The following DYNC2LI1 variants were observed in gnomAD, a reference collection of about 807,000 sequenced individuals.
DYNC2LI1 encodes the protein cytoplasmic dynein 2 light intermediate chain 1.
A neutral mutation model predicts 51.9 loss-of-function variants in DYNC2LI1; 45 were observed. That is an observed-to-expected ratio of 0.87 (90% CI 0.68 to 1.11). The LOEUF (loss-of-function observed/expected upper bound fraction) is 1.11, where lower values mean the gene tolerates loss of function less well. Ranked by LOEUF, DYNC2LI1 falls within the 50% of genes most tolerant of loss-of-function variation. The pLI, the probability that DYNC2LI1 is intolerant of heterozygous loss-of-function variation, is 0.00. For synonymous variants in DYNC2LI1, 130 were observed against 137.8 expected (o/e 0.94, Z 0.40); for missense variants, 490 against 417.4 (o/e 1.17, Z -1.51).
At chr2:43,816,424 G>A in the DYNC2LI1 span, among the ~76,000 whole-genome samples, 2 of 148,200 alleles carry the variant, frequency 1.3e-5, no homozygotes, top group African/African-American at 2.5e-5. Context: ...CAGACTTTGT[G>A]CAGGTGGCGG....
In DYNC2LI1 at chr2:43,798,929, T is replaced by C. The variant is rs1261576626; in HGVS notation, c.655-1912T>C. 2.0e-5 allele frequency among the ~76,000 whole-genome samples: 3 copies of C among 150,988 alleles called. 1 individual carries two copies. The highest frequency in any genetic ancestry group is 4.2e-4 in the South Asian group (2 of 4,788). ...GAAATTTAGCAGGGTTTTTTTTTTT[T>C]CCAACACTATAGTTGATCCTATATA... On this transcript the variant is annotated intron_variant, in intron 8 of 12. Transcript: ENST00000260605.
the DYNC2LI1 span, among the ~76,000 whole-genome samples, chr2:43,826,078 C>T: frequency 6.0e-4 from 92 of 152,206 alleles, no homozygotes; most frequent in African/African-American, 2.1e-3. Flanking sequence ...TGGGCTCAAG[C>T]GATCCTCTCA....
At chr2:43,784,489 G>T (rs986696030) in intron 3 of DYNC2LI1, among the ~76,000 whole-genome samples, 1 of 151,878 alleles carries the variant, frequency 6.6e-6, no homozygotes, top group Admixed American at 6.6e-5. Flanking sequence ...GCCCAGGCTG[G>T]AGTGCAATGG....
chr2:43,784,231 C>A (rs1163045332), intron 3 of DYNC2LI1, among the ~76,000 whole-genome samples: 1 of 152,114 alleles, frequency 6.6e-6, no homozygotes, highest in Admixed American at 6.5e-5. Context: ...TAAATTCCTG[C>A]TTTTGTGTAA....
downstream of DYNC2LI1, among the ~76,000 whole-genome samples, chr2:43,812,132 C>T (rs2104736221): frequency 6.6e-6 from 1 of 152,094 alleles, no homozygotes; most frequent in African/African-American, 2.4e-5. Context: ...CTCACTGCAG[C>T]CCCTGCCTCC....
the DYNC2LI1 span, among the ~76,000 whole-genome samples, chr2:43,820,641 T>C: frequency 1.3e-5 from 2 of 152,168 alleles, no homozygotes; most frequent in Non-Finnish European, 2.9e-5. Flanking sequence ...TACCAACCCC[T>C]TCCACTGATT....
chr2:43,818,975 G>A, the DYNC2LI1 span, among the ~76,000 whole-genome samples: 7 of 152,256 alleles, frequency 4.6e-5, no homozygotes, highest in Non-Finnish European at 7.4e-5. Context: ...ACGAAGTCAC[G>A]TGCGTCACAG....
At chr2:43,816,206 G>A in the DYNC2LI1 span, among the ~76,000 whole-genome samples, 1 of 152,262 alleles carries the variant, frequency 6.6e-6, no homozygotes, top group Non-Finnish European at 1.5e-5. Context: ...AACAAATAAT[G>A]TTTGCAGGCC....
chr2:43,795,031 C>CT, intron 6 of DYNC2LI1: 1 of 1,090,076 alleles, frequency 9.2e-7, no homozygotes, highest in Non-Finnish European at 1.1e-6. Flanking sequence ...TTGTAATAGC[C>CT]TTCACCATCA....
intron 8 of DYNC2LI1, among the ~76,000 whole-genome samples, chr2:43,797,769 C>T (rs888349899): frequency 2.6e-5 from 4 of 152,022 alleles, no homozygotes; most frequent in Admixed American, 6.5e-5. Flanking sequence ...CGACCCTCCT[C>T]GGCCTCCCAA....
intron 8 of DYNC2LI1, among the ~76,000 whole-genome samples, chr2:43,797,618 C>T (rs1220435510): frequency 6.9e-6 from 1 of 144,644 alleles, no homozygotes; most frequent in Non-Finnish European, 1.5e-5. Flanking sequence ...CTCCTGGGTT[C>T]AAGTGATTCT....
intron 5 of DYNC2LI1, chr2:43,794,251 A>G (rs1673926213): frequency 2.0e-6 from 1 of 489,652 alleles, no homozygotes; most frequent in East Asian, 3.2e-5. Context: ...CCACTATTGT[A>G]ACACTTAAAT....
downstream of DYNC2LI1, chr2:43,813,044 C>G: frequency 1.3e-6 from 1 of 759,506 alleles, no homozygotes; most frequent in Non-Finnish European, 2.4e-6. Flanking sequence ...ACATGGCACT[C>G]TCATTTCAGA....
chr2:43,825,187 C>G, the DYNC2LI1 span, among the ~76,000 whole-genome samples: 2 of 152,146 alleles, frequency 1.3e-5, no homozygotes, highest in African/African-American at 2.4e-5. Context: ...GACCTTGGCC[C>G]TGCATCAGTA....
chr2:43,828,162 C>T, the DYNC2LI1 span: 2 of 1,612,404 alleles, frequency 1.2e-6, no homozygotes. Context: ...TCTGTGGCTG[C>T]TATTTCAATT....
At position 43,799,353 on chromosome 2, in the gene DYNC2LI1, A is replaced by G. The variant is rs539814372; in HGVS notation, c.655-1488A>G. On this transcript the variant is annotated intron_variant, in intron 8 of 12. Transcript: ENST00000260605. Reference sequence around the variant, plus strand: ...CCCAAAAGAACAGGAGAAGACTGATAAGTAGAACCAGAATCAGAGAAGAGC... The same window carrying G: ...CCCAAAAGAACAGGAGAAGACTGATGAGTAGAACCAGAATCAGAGAAGAGC... 1.3e-3 allele frequency among the ~76,000 whole-genome samples: 201 copies of G among 152,288 alleles called. 1 individual carries two copies. The highest frequency in any genetic ancestry group is 4.6e-3 in the African/African-American group (193 of 41,550).
At chr2:43,778,404 T>C (rs1376983642) in intron 2 of DYNC2LI1, among the ~76,000 whole-genome samples, 1 of 152,126 alleles carries the variant, frequency 6.6e-6, no homozygotes, top group Non-Finnish European at 1.5e-5. Context: ...TCCACCCATC[T>C]CAGCCTCCTA....
At chr2:43,776,502 GA>G (rs1673030811) in intron 1 of DYNC2LI1, among the ~76,000 whole-genome samples, 1 of 152,154 alleles carries the variant, frequency 6.6e-6, no homozygotes, top group Non-Finnish European at 1.5e-5. Context: ...ACACAGCTAT[GA>G]ACCGTAGGGG....
chr2:43,826,977 G>A, the DYNC2LI1 span, among the ~76,000 whole-genome samples: 1 of 152,226 alleles, frequency 6.6e-6, no homozygotes, highest in African/African-American at 2.4e-5. Context: ...GGCCTGAAGT[G>A]TGGCAGGCAT....
Sources: allele counts gnomAD v4.1 joint callset (sites outside exome capture counted in the v4.1 genomes callset), GRCh38; gene constraint gnomAD v4.1.1; transcripts MANE v1.5; gene names NCBI Gene and HGNC (gene_info 2026-07-23, HGNC 2026-07-21).